The following YEATS2 variants were observed in gnomAD, a reference collection of about 807,000 sequenced individuals.
YEATS2 encodes YEATS domain containing 2.
In YEATS2, 77 loss-of-function variants were observed where a neutral mutation model predicts 163.2. The observed-to-expected ratio is 0.47, with a 90% confidence interval of 0.39 to 0.57. The LOEUF is 0.57. YEATS2 is among the 20% of genes least tolerant of loss of function. The pLI, the probability that YEATS2 is intolerant of heterozygous loss-of-function variation, is 0.00. For synonymous variants in YEATS2, 631 were observed against 645.1 expected, an observed-to-expected ratio of 0.98 and a Z score of 0.33; for missense variants, 1,549 against 1,729.8, an observed-to-expected ratio of 0.90 and a Z score of 1.85.
At chr3:183,789,508 C>A (rs1430120003) in intron 20 of YEATS2, among the ~76,000 whole-genome samples, 1 of 132,526 alleles carries the variant, frequency 7.5e-6, no homozygotes, top group African/African-American at 2.8e-5. Context: ...ATTTAGGTTT[C>A]AGATTCATTC....
intron 25 of YEATS2, 62 bp downstream of exon 25, chr3:183,801,590 G>A: frequency 1.5e-6 from 2 of 1,312,222 alleles, no homozygotes; most frequent in South Asian, 1.3e-5. Context: ...AAGGTATTGA[G>A]TCAACTGAAA....
chr3:183,733,845 C>CG (rs1718061512), intron 7 of YEATS2, among the ~76,000 whole-genome samples: 1 of 145,220 alleles, frequency 6.9e-6, no homozygotes. Context: ...GTGAACTTTG[C>CG]TTTTTTTTTT....
At chr3:183,733,873 T>G (rs1236310742) in intron 7 of YEATS2, among the ~76,000 whole-genome samples, 1 of 151,788 alleles carries the variant, frequency 6.6e-6, no homozygotes, top group Non-Finnish European at 1.5e-5. Context: ...AAGATAGTGG[T>G]GACTAGATAT....
At position 183,808,100 on chromosome 3, in the gene YEATS2, T is replaced by G. The variant is rs1726406852; in HGVS notation, c.4082T>G (p.Leu1361Arg). The G allele has an allele frequency of 6.4e-7, 1 of 1,552,698 alleles. No individual in the cohort carries two copies. The highest frequency in any genetic ancestry group is 1.4e-5 in the African/African-American group (1 of 73,286). ...GCGTCCGTGGTGGAGGACATGATCC[T>G]GAAGGTGGGTGCCTGCAGGGGCCGC... ...VYASVVEDMI[L>R]KATEQLVNDI... Residue 1361 changes from leucine to arginine, a missense_variant, in exon 29 of 31, where the codon CTG becomes CGG. Transcript: ENST00000305135.
intron 15 of YEATS2, among the ~76,000 whole-genome samples, chr3:183,762,644 C>A (rs1484863887): frequency 2.0e-5 from 3 of 151,288 alleles, no homozygotes; most frequent in Non-Finnish European, 4.4e-5. Context: ...GTAGTTTATA[C>A]CTCTGATGTT....
At chr3:183,742,396 C>T (rs1719068855) in intron 8 of YEATS2, among the ~76,000 whole-genome samples, 1 of 152,044 alleles carries the variant, frequency 6.6e-6, no homozygotes, top group African/African-American at 2.4e-5. Context: ...GCAACATTAA[C>T]AGGAGTTTGG....
At chr3:183,753,253 A>G (rs559144445) in intron 10 of YEATS2, among the ~76,000 whole-genome samples, 7 of 152,292 alleles carry the variant, frequency 4.6e-5, no homozygotes, top group African/African-American at 1.4e-4. Context: ...TGACCATGCC[A>G]TTTTTAAATT....
At chr3:183,718,346 G>A (rs1716123953) in intron 3 of YEATS2, among the ~76,000 whole-genome samples, 154 bp from the exon 4 acceptor site, 1 of 151,986 alleles carries the variant, frequency 6.6e-6, no homozygotes, top group African/African-American at 2.4e-5. Context: ...AATCTGATGG[G>A]TGGAAAAGGT....
chr3:183,776,030 A>T lies in YEATS2; in HGVS notation c.2484A>T (p.Gly828=). The T allele has an allele frequency of 1.9e-6, 3 of 1,611,650 alleles. No homozygotes were observed. Among genetic ancestry groups the T allele is most frequent in the South Asian group, 2.2e-5 (2 of 91,020 alleles). ...GGGGSTGGGG[G]TAGGGTQSTA... is the part of the protein sequence containing the mutation. ...GCGGCAGCACAGGAGGAGGAGGAGGAACAGCAGGAGGAGGAACTCAAAGTA... is the reference window on the plus strand; with the variant it reads ...GCGGCAGCACAGGAGGAGGAGGAGGTACAGCAGGAGGAGGAACTCAAAGTA... The change falls in exon 18 of 31, where the codon GGA becomes GGT. Residue 828 remains glycine (G), a synonymous_variant. Transcript: ENST00000305135.
intron 5 of YEATS2, 69 bp from the exon 6 acceptor site, chr3:183,724,350 A>AT (rs1716843139): frequency 3.4e-6 from 4 of 1,174,448 alleles, no homozygotes; most frequent in Non-Finnish European, 4.8e-6. Context: ...ACTTTTTACA[A>AT]TTTTGTGGTT....
intron 1 of YEATS2, among the ~76,000 whole-genome samples, chr3:183,706,574 TG>T (rs902112351): frequency 7.2e-5 from 11 of 152,280 alleles, no homozygotes; most frequent in African/African-American, 2.4e-4. Flanking sequence ...TGGAGCACTG[TG>T]GGAGGCCAAG....
chr3:183,793,989 T>TA (rs1724912267), intron 21 of YEATS2, among the ~76,000 whole-genome samples: 1 of 152,222 alleles, frequency 6.6e-6, no homozygotes, highest in East Asian at 1.9e-4. Context: ...GTGTGCATCG[T>TA]AAACTGCATT....
In YEATS2 at chr3:183,778,126, AAAG is replaced by A. The variant is rs1437978158; in HGVS notation, c.2736+429_2736+431del. ...GATTCTGTCTCAAAAAAAAAAAAAA[AAAG>A]AAAAAAAAAGAAAAAATGAACAATA... On this transcript the variant is annotated intron_variant, in intron 19 of 30. Coordinates refer to ENST00000305135, the MANE Select transcript of YEATS2 (RefSeq NM_018023.5). Among the ~76,000 whole-genome samples the A allele has an allele frequency of 6.5e-3, 971 of 149,418 alleles. 6 individuals are homozygous for A. The highest frequency in any genetic ancestry group is 0.017 in the Middle Eastern group (5 of 294).
At position 183,786,094 on chromosome 3, in the gene YEATS2, A is replaced by G. The variant is rs183958308; in HGVS notation, c.2737-31A>G. On this transcript the variant is annotated intron_variant, in intron 19 of 30. Coordinates refer to ENST00000305135, the MANE Select transcript of YEATS2 (RefSeq NM_018023.5). ...AGTTATGTCTATTATCCAAGGCAAC[A>G]TGATTATTTCTGCCCATCTTGTTTC... 293 of 1,602,174 alleles carry G rather than the reference A, an allele frequency of 1.8e-4. No homozygotes were observed. In the East Asian group the frequency reaches 6.1e-3, roughly 33 times the overall value.
chr3:183,711,985 A>G (rs1715274131), intron 1 of YEATS2, among the ~76,000 whole-genome samples: 1 of 150,906 alleles, frequency 6.6e-6, no homozygotes, highest in Non-Finnish European at 1.5e-5. Context: ...ACGTCTGGCT[A>G]ATTTTTGTAT....
intron 7 of YEATS2, among the ~76,000 whole-genome samples, 182 bp from the exon 8 acceptor site, chr3:183,736,536 T>G (rs898174550): frequency 6.6e-5 from 10 of 152,126 alleles, no homozygotes; most frequent in African/African-American, 2.4e-4. Flanking sequence ...TTGAGTTGAG[T>G]TTTTTCTTTT....
Position 183,776,547 on chromosome 3 carries a change from C to CA in YEATS2, c.2577+433dup, listed in dbSNP as rs201243193. Among the ~76,000 whole-genome samples the CA allele has an allele frequency of 7.3e-3, 1,103 of 150,384 alleles. 3 individuals carry two copies. Among genetic ancestry groups the CA allele is most frequent in the East Asian group, 0.012 (62 of 5,128 alleles). On this transcript the variant is annotated intron_variant, in intron 18 of 30. Coordinates refer to ENST00000305135, the MANE Select transcript of YEATS2 (RefSeq NM_018023.5). ...TGGGTGACAGAGTGAGACCCTTTCT[C>CA]AAAAAAAAACTATGTGTTTTTATCT...
At chr3:183,807,580 G>A (rs1726346851) in intron 28 of YEATS2, 2 of 212,458 alleles carry the variant, frequency 9.4e-6, no homozygotes, top group South Asian at 1.5e-4. Context: ...TATCCACCCT[G>A]CTGGAGCCTA....
At position 183,698,666 on chromosome 3, in the gene YEATS2, A is replaced by AT. The variant is rs914552724; in HGVS notation, c.-20+682dup. On this transcript the variant is annotated intron_variant, in intron 1 of 30. Transcript: ENST00000305135. ...AGCAATCTTACAGGCCTGACACATC[A>AT]TTTTTTTTTAGTTTGATGTTGGCTA... Among the ~76,000 whole-genome samples the AT allele has an allele frequency of 1.2e-3, 185 of 151,678 alleles. 2 individuals are homozygous for AT. The Middle Eastern group carries it at 0.017, about 14-fold the overall frequency.
Sources: gnomAD v4.1 joint callset for allele counts (sites outside exome capture counted in the v4.1 genomes callset) on GRCh38, gnomAD v4.1.1 for gene constraint, MANE v1.5 for transcripts, NCBI Gene and HGNC (gene_info 2026-07-23, HGNC 2026-07-21) for gene names.